Variants in CSMD1 observed in about 807,000 individuals in gnomAD.
The protein encoded by CSMD1 is CUB and sushi domain-containing protein 1.
A neutral mutation model predicts 417.5 loss-of-function variants in CSMD1; 213 were observed. That is an observed-to-expected ratio of 0.51 (90% CI 0.46 to 0.57). The LOEUF (loss-of-function observed/expected upper bound fraction) is 0.57, where lower values mean the gene tolerates loss of function less well. Ranked by LOEUF, CSMD1 falls within the 20% of genes least tolerant of loss-of-function variation. The probability of loss-of-function intolerance (pLI) is 0.00; values close to 1 mark genes in which losing one functional copy is unlikely to be tolerated. For missense variants in CSMD1, 6,923 were observed against 4,529.7 expected (o/e 1.53, Z -15.17); for synonymous variants, 2,862 against 1,736.8 (o/e 1.65, Z -16.11).
At chr8:3,572,318 G>T (rs1206348823) in intron 10 of CSMD1, among the ~76,000 whole-genome samples, 2 of 152,182 alleles carry the variant, frequency 1.3e-5, no homozygotes, top group African/African-American at 2.4e-5. Flanking sequence ...TCAGGGAGCA[G>T]TTGAGGGAGG....
At chr8:3,353,730 A>G (rs924734) in intron 21 of CSMD1, among the ~76,000 whole-genome samples, 40,982 of 151,450 alleles carry the variant, frequency 0.27, 6,092 homozygotes, top group East Asian at 0.48. Flanking sequence ...AAGTTTTTCA[A>G]TAGTCTATTT....
At chr8:4,943,873 G>C (rs372660032) in intron 1 of CSMD1, among the ~76,000 whole-genome samples, 1 of 152,194 alleles carries the variant, frequency 6.6e-6, no homozygotes, top group Non-Finnish European at 1.5e-5. Flanking sequence ...ATAAGTGTAA[G>C]AGCCCAAAAC....
chr8:4,213,294 C>G (rs899189312), intron 3 of CSMD1, among the ~76,000 whole-genome samples: 2 of 152,164 alleles, frequency 1.3e-5, no homozygotes, highest in Non-Finnish European at 2.9e-5. Flanking sequence ...ATGAGCAGCT[C>G]TGCTCACACC....
chr8:4,499,019 C>T (rs1344359736), intron 2 of CSMD1, among the ~76,000 whole-genome samples: 1 of 152,082 alleles, frequency 6.6e-6, no homozygotes, highest in Admixed American at 6.6e-5. Flanking sequence ...ATTAATTACC[C>T]AGGCATAGAA....
At chr8:4,430,183 G>C (rs946213837) in intron 2 of CSMD1, among the ~76,000 whole-genome samples, 2 of 152,166 alleles carry the variant, frequency 1.3e-5, no homozygotes, top group African/African-American at 4.8e-5. Context: ...GCTTTCCTAA[G>C]CAAGGTGCCC....
chr8:4,135,104 A>G (rs1378739005), intron 3 of CSMD1, among the ~76,000 whole-genome samples: 1 of 152,124 alleles, frequency 6.6e-6, no homozygotes, highest in Non-Finnish European at 1.5e-5. Flanking sequence ...CATAATAAAT[A>G]ATTGCATAAA....
chr8:4,723,761 A>T (rs1232840848), intron 1 of CSMD1, among the ~76,000 whole-genome samples: 1 of 147,074 alleles, frequency 6.8e-6, no homozygotes, highest in Non-Finnish European at 1.5e-5. Flanking sequence ...AGAATCTAAA[A>T]TGTAAATGCA....
chr8:3,172,677 A>G (rs189915057), intron 37 of CSMD1, among the ~76,000 whole-genome samples: 113 of 152,294 alleles, frequency 7.4e-4, no homozygotes, highest in Non-Finnish European at 1.8e-4. Flanking sequence ...GGAATGGAGA[A>G]AGAATCACCC....
At chr8:3,973,056 C>T (rs78190576) in intron 5 of CSMD1, among the ~76,000 whole-genome samples, 7,687 of 152,300 alleles carry the variant, frequency 0.05, 318 homozygotes, top group African/African-American at 0.1. Flanking sequence ...GATAAGTGTG[C>T]TTTGATAACA....
chr8:3,940,497 C>CTCTG (rs1304890907), intron 5 of CSMD1, among the ~76,000 whole-genome samples: 2 of 144,952 alleles, frequency 1.4e-5, no homozygotes, highest in Non-Finnish European at 3.0e-5. Flanking sequence ...ATTATTTCCT[C>CTCTG]TGTGTGTGTG....
intron 23 of CSMD1, among the ~76,000 whole-genome samples, chr8:3,342,781 A>T (rs1807744053): frequency 6.6e-6 from 1 of 152,142 alleles, no homozygotes; most frequent in South Asian, 2.1e-4. Context: ...TATTCCTCTT[A>T]GTTCTCTCGT....
chr8:4,952,202 C>T (rs1031810504), intron 1 of CSMD1, among the ~76,000 whole-genome samples: 30 of 151,956 alleles, frequency 2.0e-4, no homozygotes, highest in East Asian at 3.9e-4. Context: ...GTAATCAAAA[C>T]GTAAATAAAG....
intron 3 of CSMD1, among the ~76,000 whole-genome samples, chr8:4,369,970 G>A (rs1421686566): frequency 6.6e-6 from 1 of 152,106 alleles, no homozygotes; most frequent in East Asian, 1.9e-4. Context: ...ACTGACACGT[G>A]AGAATTGTAT....
chr8:3,056,221 T>A (rs1812208739), intron 49 of CSMD1, among the ~76,000 whole-genome samples: 2 of 152,218 alleles, frequency 1.3e-5, no homozygotes, highest in African/African-American at 4.8e-5. Context: ...TGTAACAGTT[T>A]GATTTCAAAA....
chr8:4,854,228 G>T (rs886558725), intron 1 of CSMD1, among the ~76,000 whole-genome samples: 2 of 152,108 alleles, frequency 1.3e-5, no homozygotes, highest in Non-Finnish European at 2.9e-5. Flanking sequence ...ATATGATTTG[G>T]GTATTTGCTC....
chr8:3,986,752 T>G (rs1362425257), intron 5 of CSMD1, among the ~76,000 whole-genome samples: 1 of 140,608 alleles, frequency 7.1e-6, no homozygotes, highest in African/African-American at 2.7e-5. Context: ...TTTACAATGT[T>G]TAAGTGATTT....
chr8:4,702,571 G>C (rs1396611693), intron 1 of CSMD1, among the ~76,000 whole-genome samples: 3 of 152,122 alleles, frequency 2.0e-5, no homozygotes, highest in Non-Finnish European at 4.4e-5. Context: ...CATCTGAAAG[G>C]TTCCGTAGGA....
rs73514617 is a variant in CSMD1, at chr8:4,463,609, G to C, written c.303-43544C>G. Among the ~76,000 whole-genome samples the C allele has an allele frequency of 4.4e-3, 671 of 152,218 alleles. 1 individual carries two copies. Among genetic ancestry groups the C allele is most frequent in the African/African-American group, 0.015 (629 of 41,528 alleles). ...GAACTGCCGATTTATTCCACAACCT[G>C]ACAAACCTTGAAAACCTACTAAATG... On this transcript the variant is annotated intron_variant, in intron 2 of 69. Transcript: ENST00000635120.
chr8:3,503,195 C>G (rs914973375), intron 10 of CSMD1, among the ~76,000 whole-genome samples: 2 of 152,170 alleles, frequency 1.3e-5, no homozygotes, highest in African/African-American at 4.8e-5. Context: ...CACACACACC[C>G]ACACACAAAG....
Sources: allele counts gnomAD v4.1 joint callset (sites outside exome capture counted in the v4.1 genomes callset), GRCh38; gene constraint gnomAD v4.1.1; transcripts MANE v1.5; gene names NCBI Gene and HGNC (gene_info 2026-07-23, HGNC 2026-07-21).